Variants in HOOK1 observed in about 807,000 individuals in gnomAD.
HOOK1 encodes the protein protein Hook homolog 1.
In HOOK1, 60 loss-of-function variants were observed where a neutral mutation model predicts 112.8. That is an observed-to-expected ratio of 0.53 (90% CI 0.43 to 0.66). HOOK1 has a LOEUF of 0.66. HOOK1 is among the 30% of genes least tolerant of loss of function. The pLI is 0.00. For missense variants in HOOK1, 770 were observed against 856.0 expected, an observed-to-expected ratio of 0.90 and a Z score of 1.25; for synonymous variants, 294 against 283.8, an observed-to-expected ratio of 1.04 and a Z score of -0.36.
intron 1 of HOOK1, among the ~76,000 whole-genome samples, chr1:59,816,203 GAATGAGA>G (rs1010435358): frequency 4.4e-4 from 67 of 152,296 alleles, no homozygotes; most frequent in African/African-American, 1.6e-3. Context: ...TAATTCCAAA[GAATGAGA>G]AATCTAGGTT....
At chr1:59,827,351 G>A (rs148865245) in intron 2 of HOOK1, among the ~76,000 whole-genome samples, 1 of 152,258 alleles carries the variant, frequency 6.6e-6, no homozygotes, top group Non-Finnish European at 1.5e-5. Context: ...ATCCAGATGG[G>A]TTTTTACCAA....
chr1:59,834,212 G>T (rs1371842519), intron 5 of HOOK1, among the ~76,000 whole-genome samples: 2 of 152,058 alleles, frequency 1.3e-5, no homozygotes, highest in Admixed American at 1.3e-4. Flanking sequence ...CTTGTTCTTA[G>T]TACACCACCT....
At chr1:59,870,755 G>C (rs1644043458) in intron 20 of HOOK1, 1 of 220,740 alleles carries the variant, frequency 4.5e-6, no homozygotes, top group South Asian at 1.0e-4. Flanking sequence ...TCTAGATATG[G>C]TGGGCAGTAG....
rs1356797232 is a variant in HOOK1 at position 59,854,031 on chromosome 1, TATA to T, written c.1243-4396_1243-4394del. ...ATATATATATATATATATATATATA[TATA>T]TATATTTTTTTTTTTTTTTTTTTTT... is the stretch of plus-strand genomic sequence containing the variant. On this transcript the variant is annotated intron_variant, in intron 12 of 21. Transcript: ENST00000371208. Among the ~76,000 whole-genome samples the T allele has an allele frequency of 3.3e-3, 99 of 29,882 alleles. 1 individual carries two copies. The highest frequency in any genetic ancestry group is 8.5e-3 in the African/African-American group (51 of 5,972). 19.6% of individuals were successfully genotyped at this position (29,882 alleles called of 152,430 possible).
intron 12 of HOOK1, among the ~76,000 whole-genome samples, chr1:59,855,866 G>A (rs1387928501): frequency 6.9e-6 from 1 of 145,788 alleles, no homozygotes; most frequent in Non-Finnish European, 1.5e-5. Context: ...TCAACCCCTT[G>A]GGCATCAAGC....
intron 15 of HOOK1, 35 bp downstream of exon 15, chr1:59,860,363 AT>A: frequency 6.7e-7 from 1 of 1,488,750 alleles, no homozygotes; most frequent in East Asian, 2.4e-5. Context: ...AATCTTGGTG[AT>A]TTTATTACCG....
chr1:59,847,240 T>C lies in HOOK1; in HGVS notation c.929+55T>C. The C allele has an allele frequency of 3.5e-6, 5 of 1,421,836 alleles. 1 individual carries two copies. In the South Asian group the frequency reaches 5.1e-5, roughly 14 times the overall value. 88.1% of individuals were successfully genotyped at this position (1,421,836 alleles called of 1,614,324 possible). ...GCCATTTCTGAGCTATTTAGTCAAT[T>C]TGAGTATTTCATATTTTAATCAGGG... On this transcript the variant is annotated intron_variant, in intron 10 of 21. Transcript: ENST00000371208.
chr1:59,867,950 T>C (rs1394376982), intron 19 of HOOK1, among the ~76,000 whole-genome samples: 1 of 152,178 alleles, frequency 6.6e-6, no homozygotes, highest in Non-Finnish European at 1.5e-5. Flanking sequence ...CTTTAATGCC[T>C]AAAGTTTGAG....
In HOOK1 at chr1:59,849,086, A is replaced by T; in HGVS notation, c.1145A>T (p.His382Leu). 1 of 1,605,688 alleles carries T rather than the reference A, an allele frequency of 6.2e-7. No individual in the cohort carries two copies. Among genetic ancestry groups the T allele is most frequent in the Non-Finnish European group, 8.5e-7 (1 of 1,174,792 alleles). Residue 382 changes from histidine (H) to leucine (L), a missense_variant, in exon 12 of 22, where the codon CAT becomes CTT. This residue lies in a region of HOOK1 where 655 missense variants were observed against 725.9 expected (regional missense o/e 0.90). Coordinates refer to ENST00000371208, the MANE Select transcript of HOOK1 (RefSeq NM_015888.6). ...TTCTGACATTAGGTTCAAGATCTTC[A>T]TGTTAAACTTTCCTCCGAATCCAAG... ...ETYKRQVQDL[H>L]VKLSSESKRA...
rs1209377871 is a variant in HOOK1 at position 59,875,869 on chromosome 1, G to A, written c.*2904G>A. 1 of 152,270 alleles carries A rather than the reference G, an allele frequency of 6.6e-6. No individual in the cohort carries two copies. The highest frequency in any genetic ancestry group is 1.5e-5 in the Non-Finnish European group (1 of 68,032). The allele number at this position is 152,270 out of a possible 1,614,324, so 9.4% of individuals were successfully genotyped here. On this transcript the variant is annotated 3_prime_UTR_variant, in exon 22 of 22. Coordinates refer to ENST00000371208, the MANE Select transcript of HOOK1 (RefSeq NM_015888.6). ...ATCTTTTTTAGAAATATTAAAGTGA[G>A]TATTCCTCATTATGTCATCATTTCT... is the stretch of plus-strand genomic sequence containing the variant.
rs148761686 is a variant in HOOK1, at chr1:59,855,610, A to G, written c.1243-2818A>G. Among the ~76,000 whole-genome samples the G allele has an allele frequency of 3.9e-3, 595 of 151,972 alleles. 3 individuals carry two copies. The highest frequency in any genetic ancestry group is 0.014 in the African/African-American group (566 of 41,418). ...CAGTAAACATTTGCATGCATGTGCT[A>G]CTTTTAAAGAATAAGGAAATTTTAT... On this transcript the variant is annotated intron_variant, in intron 12 of 21. Transcript: ENST00000371208.
intron 12 of HOOK1, among the ~76,000 whole-genome samples, chr1:59,854,001 A>AAT (rs71046347): frequency 0.026 from 672 of 25,658 alleles, 11 homozygotes; most frequent in East Asian, 0.044. Context: ...ATTAATCTTA[A>AAT]ATATATATAT....
At chr1:59,827,938 A>T (rs921299183) in intron 2 of HOOK1, among the ~76,000 whole-genome samples, 5 of 152,172 alleles carry the variant, frequency 3.3e-5, no homozygotes, top group Non-Finnish European at 7.4e-5. Flanking sequence ...ACATTCTGTG[A>T]TTTTGAAGTT....
At chr1:59,869,435 G>A (rs546683152) in intron 20 of HOOK1, among the ~76,000 whole-genome samples, 7 of 152,190 alleles carry the variant, frequency 4.6e-5, no homozygotes, top group African/African-American at 1.4e-4. Context: ...CAAGTGATCT[G>A]CTCTCCTCAG....
At chr1:59,865,011 C>T (rs2102071062) in intron 17 of HOOK1, 152 bp from the exon 18 acceptor site, 2 of 600,690 alleles carry the variant, frequency 3.3e-6, no homozygotes, top group Non-Finnish European at 6.0e-6. Flanking sequence ...TGCCGTGTGC[C>T]TGACTGTTTA....
chr1:59,842,823 TA>T (rs1053991131), intron 8 of HOOK1, among the ~76,000 whole-genome samples: 1 of 151,838 alleles, frequency 6.6e-6, no homozygotes, highest in African/African-American at 2.4e-5. Context: ...AAAATATGAA[TA>T]AAAAAAATTG....
intron 12 of HOOK1, among the ~76,000 whole-genome samples, chr1:59,855,757 T>C (rs1251355902): frequency 6.6e-6 from 1 of 151,016 alleles, no homozygotes; most frequent in African/African-American, 2.4e-5. Flanking sequence ...AAGTCTGCAC[T>C]GAGCCCATCT....
At chr1:59,846,249 T>C (rs903508446) in intron 9 of HOOK1, among the ~76,000 whole-genome samples, 2 of 151,872 alleles carry the variant, frequency 1.3e-5, no homozygotes, top group South Asian at 2.1e-4. Context: ...TTTATCGTTA[T>C]AATGATTCTG....
At chr1:59,868,137 G>C in intron 19 of HOOK1, 113 bp from the exon 20 acceptor site, 1 of 614,456 alleles carries the variant, frequency 1.6e-6, no homozygotes, top group Non-Finnish European at 2.9e-6. Flanking sequence ...TTAGCTCTTG[G>C]ATGACTTTGT....
Sources: allele counts gnomAD v4.1 joint callset (sites outside exome capture counted in the v4.1 genomes callset), GRCh38; gene constraint gnomAD v4.1.1; regional missense constraint gnomAD v4.1.1; transcripts MANE v1.5; gene names NCBI Gene and HGNC (gene_info 2026-07-23, HGNC 2026-07-21).